Variants in ENO1 observed in about 807,000 individuals in gnomAD.
ENO1 encodes the protein enolase 1, also known as alpha-enolase.
In ENO1, 33 loss-of-function variants were observed where a neutral mutation model predicts 46.3. The ratio of observed to expected loss-of-function variants is 0.71; its 90% confidence interval spans 0.54 to 0.95. ENO1 has a LOEUF of 0.95. ENO1 is among the 40% of genes least tolerant of loss of function. The pLI, the probability that ENO1 is intolerant of heterozygous loss-of-function variation, is 0.00. For missense variants in ENO1, 488 were observed against 553.3 expected (o/e 0.88, Z 1.18); for synonymous variants, 220 against 216.0 (o/e 1.02, Z -0.16).
chr1:8,873,063 A>C (rs919697481), intron 2 of ENO1, among the ~76,000 whole-genome samples: 1 of 152,246 alleles, frequency 6.6e-6, no homozygotes, highest in Non-Finnish European at 1.5e-5. Flanking sequence ...AGTGTGCGCT[A>C]TCAACAGGTC....
chr1:8,862,978 G>A (rs200608477), intron 10 of ENO1, 33 bp from the exon 11 acceptor site: 29 of 1,611,424 alleles, frequency 1.8e-5, no homozygotes, highest in Non-Finnish European at 2.0e-5. Flanking sequence ...TGCTTACAGC[G>A]GACAAGCTTT....
chr1:8,872,789 G>A (rs1002835396), intron 2 of ENO1, among the ~76,000 whole-genome samples: 1 of 152,110 alleles, frequency 6.6e-6, no homozygotes, highest in African/African-American at 2.4e-5. Context: ...CTATTTTAGG[G>A]GTTCTATGCC....
At chr1:8,871,803 A>G in intron 3 of ENO1, 88 bp downstream of exon 3, 1 of 1,435,706 alleles carries the variant, frequency 7.0e-7, no homozygotes, top group Non-Finnish European at 9.7e-7. Flanking sequence ...CTGCAAGTGC[A>G]AGTGCCACCC....
rs959180287 is a variant in ENO1, at chr1:8,861,276, C to T, written c.*84G>A. On this transcript the variant is annotated 3_prime_UTR_variant, in exon 12 of 12. Transcript: ENST00000234590. ...AGCAGGGACCCCTGCAAGTGTTGGT[C>T]GGGGGCCTCGAGCTGCCTGAGCTGA... The T allele has an allele frequency of 3.9e-5, 56 of 1,433,376 alleles. No individual in the cohort carries two copies. The African/African-American group carries it at 5.6e-4, about 14-fold the overall frequency. The allele number at this position is 1,433,376 out of a possible 1,614,324, so 88.8% of individuals were successfully genotyped here.
intron 2 of ENO1, among the ~76,000 whole-genome samples, chr1:8,874,577 CAAAAAAA>C (rs140269736): frequency 3.8e-3 from 196 of 51,598 alleles, no homozygotes; most frequent in African/African-American, 0.012. Flanking sequence ...GACTCCATCT[CAAAAAAA>C]AAAAAAAAAA....
chr1:8,867,940 G>C, intron 5 of ENO1, 48 bp downstream of exon 5: 1 of 1,542,788 alleles, frequency 6.5e-7, no homozygotes, highest in Non-Finnish European at 9.0e-7. Flanking sequence ...AAATCTTCAG[G>C]AGACTTCATG....
chr1:8,862,919 A>T lies in ENO1; in HGVS notation c.1203T>A (p.Ser401=). The T allele has an allele frequency of 6.2e-7, 1 of 1,614,178 alleles. No homozygotes were observed. Among genetic ancestry groups the T allele is most frequent in the South Asian group, 1.1e-5 (1 of 91,086 alleles). The change falls in exon 11 of 12, where the codon TCT becomes TCA. Residue 401 remains serine (S), a synonymous_variant. Coordinates refer to ENST00000234590, the MANE Select transcript of ENO1 (RefSeq NM_001428.5). ...GCTGGTTGTACTTGGCCAAGCGCTCAGATCGGCAAGGGGCACCAGTCTTGA... is the reference window on the plus strand; with the variant it reads ...GCTGGTTGTACTTGGCCAAGCGCTCTGATCGGCAAGGGGCACCAGTCTTGA... The part of the protein sequence containing the change: ...GQIKTGAPCR[S]ERLAKYNQLL...
At position 8,865,320 on chromosome 1, in the gene ENO1, G is replaced by A. The variant is rs965030609; in HGVS notation, c.830C>T (p.Ala277Val). Residue 277 changes from alanine (A) to valine (V), a missense_variant, in exon 8 of 12, where the codon GCT becomes GTT. Ala to Val is a moderately conservative substitution (Grantham distance 64). Coordinates refer to ENST00000234590, the MANE Select transcript of ENO1 (RefSeq NM_001428.5). ...CTTGATGAAGGACTTGTACAGGTCA[G>A]CCAGCTGGTCAGGCGAGATGTACCT... The part of the protein sequence containing the change: ...PSRYISPDQL[A>V]DLYKSFIKDY... The A allele has an allele frequency of 2.5e-6, 4 of 1,614,170 alleles. No individual in the cohort carries two copies. Among genetic ancestry groups the A allele is most frequent in the Admixed American group, 3.3e-5 (2 of 60,018 alleles).
chr1:8,870,800 G>GA, intron 3 of ENO1: 1 of 1,389,474 alleles, frequency 7.2e-7, no homozygotes, highest in Non-Finnish European at 9.3e-7. Flanking sequence ...GCCAACTGCA[G>GA]ACTAAAGGCT....
intron 4 of ENO1, among the ~76,000 whole-genome samples, chr1:8,869,228 TAAAA>T (rs997021368): frequency 2.0e-5 from 3 of 147,940 alleles, no homozygotes; most frequent in Non-Finnish European, 2.9e-5. Flanking sequence ...TCTAGGGGGT[TAAAA>T]AAAAGTCAGG....
rs199776385 is a variant in ENO1, at chr1:8,867,254, G to A, written c.311-4C>T. ...ATGGCGTTCGCACCAAACTTAGCTA[G>A]AACAGAAGAGAACCGAGTGGAATGA... On this transcript the variant is annotated splice_polypyrimidine_tract_variant and splice_region_variant and intron_variant, in intron 5 of 11. Coordinates refer to ENST00000234590, the MANE Select transcript of ENO1 (RefSeq NM_001428.5). 1 of 1,613,952 alleles carries A rather than the reference G, an allele frequency of 6.2e-7. No homozygotes were observed. The highest frequency in any genetic ancestry group is 1.7e-5 in the Admixed American group (1 of 60,004).
At chr1:8,872,667 G>A (rs1642658636) in intron 2 of ENO1, among the ~76,000 whole-genome samples, 2 of 152,172 alleles carry the variant, frequency 1.3e-5, no homozygotes, top group African/African-American at 4.8e-5. Context: ...ACAGGCATGA[G>A]CCACCATGCC....
chr1:8,870,743 A>C (rs769465985), intron 3 of ENO1: 2 of 1,427,102 alleles, frequency 1.4e-6, no homozygotes, highest in African/African-American at 2.9e-5. Context: ...CAGCTGGCTC[A>C]GAACGATCTG....
chr1:8,867,808 G>C (rs1469927414), intron 5 of ENO1, among the ~76,000 whole-genome samples, 180 bp downstream of exon 5: 1 of 152,134 alleles, frequency 6.6e-6, no homozygotes, highest in Non-Finnish European at 1.5e-5. Flanking sequence ...GGGATTACAG[G>C]CGTGAGCCAC....
chr1:8,863,750 A>G (rs1197216934), intron 9 of ENO1, 141 bp downstream of exon 9: 1 of 976,348 alleles, frequency 1.0e-6, no homozygotes, highest in Non-Finnish European at 1.6e-6. Context: ...AAGGCTCCTG[A>G]GTTCAAACAC....
chr1:8,875,170 G>A (rs985626985), intron 1 of ENO1, among the ~76,000 whole-genome samples: 8 of 152,156 alleles, frequency 5.3e-5, no homozygotes, highest in Admixed American at 2.6e-4. Context: ...TTACTGGAAC[G>A]CTAAGGGCGT....
intron 1 of ENO1, chr1:8,876,025 A>C (rs1025156327): frequency 1.3e-5 from 2 of 152,100 alleles, no homozygotes; most frequent in South Asian, 4.1e-4. Flanking sequence ...GCTTCCTTTA[A>C]CACCACCTTA....
intron 4 of ENO1, chr1:8,870,151 G>C (rs750278630): frequency 2.4e-6 from 1 of 417,820 alleles, no homozygotes; most frequent in Non-Finnish European, 4.4e-6. Flanking sequence ...ACACCCCTGA[G>C]AGCCACTCTT....
chr1:8,861,491 A>C, intron 11 of ENO1, 62 bp from the exon 12 acceptor site: 1 of 1,575,046 alleles, frequency 6.3e-7, no homozygotes, highest in Admixed American at 1.7e-5. Flanking sequence ...CTCAAGTTTT[A>C]AGTTTTCCCA....
Sources: allele counts gnomAD v4.1 joint callset (sites outside exome capture counted in the v4.1 genomes callset), GRCh38; gene constraint gnomAD v4.1.1; transcripts MANE v1.5; gene names NCBI Gene and HGNC (gene_info 2026-07-23, HGNC 2026-07-21).